Variants in SRGAP2 observed in about 807,000 individuals in gnomAD.
SRGAP2 encodes SLIT-ROBO Rho GTPase activating protein 2.
In SRGAP2, 15 loss-of-function variants were observed where a neutral mutation model predicts 57.2. The observed-to-expected ratio is 0.26, with a 90% CI of 0.18 to 0.40. The LOEUF (loss-of-function observed/expected upper bound fraction) is 0.40. Among genes scored for constraint, SRGAP2 ranks in the 10% least tolerant of loss-of-function variants. The pLI, the probability that SRGAP2 is intolerant of heterozygous loss-of-function variation, is 1.00. For synonymous variants in SRGAP2, 249 were observed against 248.0 expected (o/e 1.00, Z -0.04); for missense variants, 520 against 669.6 (o/e 0.78, Z 2.47).
chr1:206,347,254 T>TAA (rs532132310), intron 4 of SRGAP2, among the ~76,000 whole-genome samples: 1 of 139,910 alleles, frequency 7.1e-6, no homozygotes, highest in South Asian at 2.3e-4. Flanking sequence ...CCTGTCTGTT[T>TAA]AAAAAAAAAA....
chr1:206,225,481 A>T (rs1553305360), intron 2 of SRGAP2, among the ~76,000 whole-genome samples: 1 of 151,310 alleles, frequency 6.6e-6, no homozygotes, highest in East Asian at 1.9e-4. Flanking sequence ...AGCCAGGAAG[A>T]GGTGCAGCAG....
chr1:206,291,866 A>G (rs1671344680), intron 2 of SRGAP2, among the ~76,000 whole-genome samples: 1 of 149,160 alleles, frequency 6.7e-6, no homozygotes. Flanking sequence ...TCTATTCTGA[A>G]GGATCTGCTG....
intron 15 of SRGAP2, among the ~76,000 whole-genome samples, chr1:206,437,350 A>G (rs1661858603): frequency 6.6e-6 from 1 of 152,248 alleles, no homozygotes; most frequent in Non-Finnish European, 1.5e-5. Context: ...CCTTGGTAGC[A>G]GTTAATATCA....
intron 2 of SRGAP2, among the ~76,000 whole-genome samples, chr1:206,253,818 T>G (rs562645029): frequency 0.03 from 4,502 of 150,832 alleles, 40 homozygotes; most frequent in African/African-American, 0.093. Flanking sequence ...CCTTTTTTTT[T>G]TTTGTTTTAA....
At chr1:206,256,169 A>C (rs1182451717) in intron 2 of SRGAP2, among the ~76,000 whole-genome samples, 1 of 151,250 alleles carries the variant, frequency 6.6e-6, no homozygotes, top group Non-Finnish European at 1.5e-5. Context: ...CTAAGTAAGG[A>C]GGTCATAGTA....
chr1:206,389,270 G>C (rs2103084695), intron 5 of SRGAP2, among the ~76,000 whole-genome samples: 1 of 142,858 alleles, frequency 7.0e-6, no homozygotes, highest in East Asian at 2.1e-4. Flanking sequence ...CACCTCCCAG[G>C]TTCATGCCAT....
intron 3 of SRGAP2, among the ~76,000 whole-genome samples, chr1:206,340,000 G>C (rs1675061074): frequency 1.4e-5 from 2 of 145,096 alleles, no homozygotes; most frequent in Non-Finnish European, 3.0e-5. Context: ...ATGCTGGCCA[G>C]GCTGGTCTTG....
chr1:206,239,993 C>A (rs531214867), intron 2 of SRGAP2, among the ~76,000 whole-genome samples: 6 of 151,484 alleles, frequency 4.0e-5, no homozygotes, highest in Admixed American at 1.3e-4. Flanking sequence ...GGGCCAGGCA[C>A]GGTGGCTCAC....
At chr1:206,225,871 G>A (rs1218482431) in intron 2 of SRGAP2, among the ~76,000 whole-genome samples, 1 of 152,130 alleles carries the variant, frequency 6.6e-6, no homozygotes, top group Non-Finnish European at 1.5e-5. Context: ...TTTGGTTGGA[G>A]GCCCCTTATG....
chr1:206,415,114 A>G (rs552644021), intron 10 of SRGAP2, among the ~76,000 whole-genome samples: 2 of 152,334 alleles, frequency 1.3e-5, no homozygotes, highest in Admixed American at 6.5e-5. Context: ...GATGATGATG[A>G]TAGTTCCTAG....
chr1:206,437,795 T>C, intron 15 of SRGAP2, 169 bp from the exon 16 acceptor site: 1 of 612,168 alleles, frequency 1.6e-6, no homozygotes, highest in Non-Finnish European at 2.9e-6. Flanking sequence ...AATGGAGCAG[T>C]CTTTGCTTTA....
intron 20 of SRGAP2, chr1:206,453,918 G>C (rs1197562872): frequency 1.8e-6 from 1 of 541,228 alleles, no homozygotes; most frequent in Non-Finnish European, 3.3e-6. Flanking sequence ...GGTAAGATGG[G>C]GGAAGGAGGG....
In SRGAP2 at chr1:206,453,341, A is replaced by G; in HGVS notation, c.2321A>G (p.Asp774Gly). 1 of 744,296 alleles carries G rather than the reference A, an allele frequency of 1.3e-6. No individual in the cohort carries two copies. Among genetic ancestry groups the G allele is most frequent in the East Asian group, 2.6e-5 (1 of 38,284 alleles). 46.1% of individuals were successfully genotyped at this position (744,296 alleles called of 1,614,324 possible). A position where few individuals can be genotyped will look rare whatever the true frequency, so the allele number is the denominator to read the frequency against. The change falls in exon 20 of 23, where the codon GAC becomes GGC. Residue 774 changes from aspartate (D) to glycine (G), a missense_variant. By Grantham distance (94) the Asp-to-Gly change is moderately conservative (BLOSUM62 -1). Around this residue, in one of 5 missense-constraint regions of SRGAP2, gnomAD observed 478 missense variants for 373.6 expected, o/e 1.28. Coordinates refer to ENST00000573034, the MANE Select transcript of SRGAP2 (RefSeq NM_015326.5). ...DWWEGRHNGI[D>G]GLIPHQYIVV... is the part of the protein sequence containing the mutation. Reference sequence around the variant, plus strand: ...TGGGAAGGCCGGCACAATGGCATCGACGGACTCATCCCCCATCAGTACATC... The same window carrying G: ...TGGGAAGGCCGGCACAATGGCATCGGCGGACTCATCCCCCATCAGTACATC...
intron 13 of SRGAP2, among the ~76,000 whole-genome samples, chr1:206,426,241 C>T (rs1190679299): frequency 6.6e-6 from 1 of 152,094 alleles, no homozygotes; most frequent in African/African-American, 2.4e-5. Context: ...TCTTTCTGTG[C>T]CTGGCTAATT....
At chr1:206,446,661 C>G (rs1553373954) in intron 18 of SRGAP2, among the ~76,000 whole-genome samples, 2 of 152,206 alleles carry the variant, frequency 1.3e-5, no homozygotes, top group Non-Finnish European at 2.9e-5. Context: ...GCTCTGTATT[C>G]TGAGAAAAAC....
chr1:206,228,596 TA>T lies in SRGAP2; in HGVS notation c.67+22560del, dbSNP rs1378470624. Reference sequence around the variant, plus strand: ...TTGGAGAACCATCTTAATCATGACCTAGAATCATTCTTATTTCACAGCAACC... The same window carrying T: ...TTGGAGAACCATCTTAATCATGACCTGAATCATTCTTATTTCACAGCAACC... On this transcript the variant is annotated intron_variant, in intron 2 of 22. Transcript: ENST00000573034. 6.6e-5 allele frequency among the ~76,000 whole-genome samples: 10 copies of T among 151,622 alleles called. No individual in the cohort carries two copies. In the East Asian group the frequency reaches 9.7e-4, roughly 15 times the overall value.
rs1381164541 is a variant in SRGAP2 at position 206,430,358 on chromosome 1, C to G, written c.1555+136C>G. The G allele has an allele frequency of 6.1e-6, 4 of 655,914 alleles. No homozygotes were observed. The African/African-American group carries it at 7.1e-5, about 12-fold the overall frequency. 40.6% of individuals were successfully genotyped at this position (655,914 alleles called of 1,614,324 possible). A position where few individuals can be genotyped will look rare whatever the true frequency, so the allele number is the denominator to read the frequency against. On this transcript the variant is annotated intron_variant, in intron 14 of 22. Transcript: ENST00000573034. ...AAAGGAATAAATTCTTACTTGTCCA[C>G]ATAACTTTTGCTACCTCAAAATAGC...
intron 13 of SRGAP2, among the ~76,000 whole-genome samples, chr1:206,425,521 C>CT (rs202139027): frequency 2.0e-5 from 3 of 151,332 alleles, no homozygotes; most frequent in Non-Finnish European, 3.0e-5. Flanking sequence ...ACTAACCTCA[C>CT]TTTTTTTTTG....
chr1:206,322,440 C>T (rs1673528662), intron 3 of SRGAP2, among the ~76,000 whole-genome samples: 1 of 151,832 alleles, frequency 6.6e-6, no homozygotes, highest in South Asian at 2.1e-4. Flanking sequence ...ATTAGCCGGG[C>T]GTGGTGGCAG....
Sources: allele counts gnomAD v4.1 joint callset (sites outside exome capture counted in the v4.1 genomes callset), GRCh38; gene constraint gnomAD v4.1.1; regional missense constraint gnomAD v4.1.1; transcripts MANE v1.5; gene names NCBI Gene and HGNC (gene_info 2026-07-23, HGNC 2026-07-21).